TRIM36: variants seen among roughly 807,000 people sequenced by gnomAD.
TRIM36 encodes the protein E3 ubiquitin-protein ligase TRIM36.
A neutral mutation model predicts 72.4 loss-of-function variants in TRIM36; 42 were observed. That is an observed-to-expected ratio of 0.58 (90% CI 0.45 to 0.75). The LOEUF (loss-of-function observed/expected upper bound fraction) is 0.75, where lower values mean the gene tolerates loss of function less well. Ranked by LOEUF, TRIM36 falls within the 30% of genes least tolerant of loss-of-function variation. The pLI is 0.00. For synonymous variants in TRIM36, 315 were observed against 282.8 expected (o/e 1.11, Z -1.14); for missense variants, 913 against 857.1 (o/e 1.07, Z -0.81).
At chr5:115,171,091 G>C, upstream of TRIM36, 1 of 1,614,204 alleles carries the variant, frequency 6.2e-7, no homozygotes, top group Non-Finnish European at 8.5e-7. Context: ...GAGCTGTAGC[G>C]AGACATCTCG....
At chr5:115,137,655 C>T in intron 5 of TRIM36, 39 bp from the exon 6 acceptor site, 1 of 1,521,102 alleles carries the variant, frequency 6.6e-7, no homozygotes, top group Non-Finnish European at 8.8e-7. Flanking sequence ...TAAGATAAAA[C>T]AAAGAATAGC....
rs267600321 is a variant in TRIM36 at position 115,163,608 on chromosome 5, C to G, written c.172G>C (p.Asp58His). ...TGATTGGAGTTGTCTGATCCCACAT[C>G]GTTGAATGAATCATCGAGAGTCAGC... ...LLLTLDDSFNDVGSDNSNQSS... is the reference protein window; with the variant it reads ...LLLTLDDSFNHVGSDNSNQSS... Residue 58 changes from aspartate (D) to histidine (H), a missense_variant, in exon 2 of 10, where the codon GAT becomes CAT. Coordinates refer to ENST00000513154, the MANE Select transcript of TRIM36 (RefSeq NM_001300759.2). 1.2e-6 allele frequency: 2 copies of G among 1,614,148 alleles called. No individual in the cohort carries two copies. The highest frequency in any genetic ancestry group is 1.7e-6 in the Non-Finnish European group (2 of 1,180,024).
intron 1 of TRIM36, among the ~76,000 whole-genome samples, chr5:115,167,170 C>G (rs1054518449): frequency 6.6e-6 from 1 of 152,144 alleles, no homozygotes; most frequent in East Asian, 1.9e-4. Context: ...CCTGTGATAC[C>G]GAGGCTGCAC....
At chr5:115,159,353 A>T (rs1469661719) in intron 2 of TRIM36, among the ~76,000 whole-genome samples, 2 of 152,256 alleles carry the variant, frequency 1.3e-5, no homozygotes, top group African/African-American at 4.8e-5. Flanking sequence ...GTTTTAAGAT[A>T]TCATATACAA....
At chr5:115,127,533 T>G (rs1261986137) in intron 9 of TRIM36, among the ~76,000 whole-genome samples, 3 of 152,170 alleles carry the variant, frequency 2.0e-5, no homozygotes, top group African/African-American at 4.8e-5. Flanking sequence ...TGCACTGCAG[T>G]CCTGGCAACA....
chr5:115,126,976 C>T, intron 9 of TRIM36, 119 bp from the exon 10 acceptor site: 6 of 1,014,840 alleles, frequency 5.9e-6, no homozygotes, highest in Non-Finnish European at 7.0e-6. Flanking sequence ...CAAAAGCTTT[C>T]TATTAAAACA....
At chr5:115,140,662 G>A (rs951021864) in intron 5 of TRIM36, among the ~76,000 whole-genome samples, 3 of 152,128 alleles carry the variant, frequency 2.0e-5, no homozygotes, top group African/African-American at 7.2e-5. Flanking sequence ...CACATAGTAT[G>A]TATTCCTTTG....
At chr5:115,178,942 T>TG (rs1755473315) in intron 1 of TRIM36, among the ~76,000 whole-genome samples, 2 of 152,226 alleles carry the variant, frequency 1.3e-5, no homozygotes, top group East Asian at 3.9e-4. Context: ...TCTGCGGCGT[T>TG]GGAGTTAGTG....
At chr5:115,170,913 T>C (rs1755084351), upstream of TRIM36, among the ~76,000 whole-genome samples, 1 of 152,248 alleles carries the variant, frequency 6.6e-6, no homozygotes, top group Non-Finnish European at 1.5e-5. Flanking sequence ...ACATTTCACC[T>C]GCCACGGCCC....
rs1036552575 is a variant in TRIM36, at chr5:115,163,840, T to C, written c.28-88A>G. 8 of 1,024,158 alleles carry C rather than the reference T, an allele frequency of 7.8e-6. No homozygotes were observed. The Admixed American group carries it at 8.0e-5, about 10-fold the overall frequency. 63.4% of individuals were successfully genotyped at this position (1,024,158 alleles called of 1,614,324 possible). A position where few individuals can be genotyped will look rare whatever the true frequency, so the allele number is the denominator to read the frequency against. On this transcript the variant is annotated intron_variant, in intron 1 of 9. Transcript: ENST00000513154. ...CCTCCTGAATAAGTACATGTGTTTA[T>C]TTTTCCAAAAAGAATTAAGAAAATG...
At chr5:115,160,817 G>A (rs1344156280) in intron 2 of TRIM36, among the ~76,000 whole-genome samples, 1 of 152,128 alleles carries the variant, frequency 6.6e-6, no homozygotes, top group East Asian at 1.9e-4. Context: ...TTGCACTCCA[G>A]CCCAGGTAAC....
In TRIM36 at chr5:115,147,385, C is replaced by T. The variant is rs750856795; in HGVS notation, c.272G>A (p.Arg91His). The T allele has an allele frequency of 8.7e-6, 14 of 1,608,806 alleles. No homozygotes were observed. The Admixed American group carries it at 1.3e-4, about 15-fold the overall frequency. The change falls in exon 3 of 10, where the codon CGC becomes CAC. Residue 91 changes from arginine to histidine, a missense_variant. Arg to His is a conservative substitution (Grantham distance 29). Transcript: ENST00000513154. Reference sequence around the variant, plus strand: ...AGTTGTCCTCGGGGTCAATGAATTGCGCTTCCAGCCTGTGTAATTAGTAAG... The same window carrying T: ...AGTTGTCCTCGGGGTCAATGAATTGTGCTTCCAGCCTGTGTAATTAGTAAG... ...IDRINRPGWK[R>H]NSLTPRTTVF... is the part of the protein sequence containing the mutation.
upstream of TRIM36, among the ~76,000 whole-genome samples, chr5:115,171,910 C>T (rs1295090567): frequency 6.6e-6 from 1 of 152,234 alleles, no homozygotes; most frequent in Non-Finnish European, 1.5e-5. Flanking sequence ...ACTATCTATT[C>T]ATCCTTCTGA....
intron 4 of TRIM36, among the ~76,000 whole-genome samples, chr5:115,144,120 C>T (rs758429915): frequency 2.0e-5 from 3 of 151,998 alleles, no homozygotes; most frequent in East Asian, 1.9e-4. Context: ...GTGATCCGCC[C>T]GCCTCGGCCT....
chr5:115,130,293 G>C (rs569747677), intron 9 of TRIM36, among the ~76,000 whole-genome samples: 1 of 152,160 alleles, frequency 6.6e-6, no homozygotes, highest in South Asian at 2.1e-4. Flanking sequence ...TATATACGTG[G>C]GTAATTTTTA....
At chr5:115,164,320 TCAAAG>T (rs1754644724) in intron 1 of TRIM36, among the ~76,000 whole-genome samples, 1 of 152,216 alleles carries the variant, frequency 6.6e-6, no homozygotes, top group South Asian at 2.1e-4. Context: ...ATGCTGTATA[TCAAAG>T]CAATTATCTT....
intron 4 of TRIM36, among the ~76,000 whole-genome samples, chr5:115,142,333 C>T (rs1156677873): frequency 2.0e-5 from 3 of 152,118 alleles, no homozygotes. Context: ...CCTAACAGGC[C>T]TATGTGGAGA....
intron 2 of TRIM36, among the ~76,000 whole-genome samples, chr5:115,163,204 G>A (rs1020910459): frequency 3.9e-5 from 6 of 152,038 alleles, no homozygotes; most frequent in East Asian, 1.9e-4. Context: ...TGATCCACCC[G>A]ACATGGCCTC....
At chr5:115,128,986 G>C (rs985551277) in intron 9 of TRIM36, among the ~76,000 whole-genome samples, 1 of 151,762 alleles carries the variant, frequency 6.6e-6, no homozygotes, top group African/African-American at 2.4e-5. Context: ...CCCTATAGAA[G>C]TATACAATTT....
Sources: allele counts gnomAD v4.1 joint callset (sites outside exome capture counted in the v4.1 genomes callset), GRCh38; gene constraint gnomAD v4.1.1; transcripts MANE v1.5; gene names NCBI Gene and HGNC (gene_info 2026-07-23, HGNC 2026-07-21).